The following FRRS1L variants were observed in gnomAD, a reference collection of about 807,000 sequenced individuals.
FRRS1L encodes the protein ferric chelate reductase 1 like.
In FRRS1L, 22 loss-of-function variants were observed where a neutral mutation model predicts 28.6. The ratio of observed to expected loss-of-function variants is 0.77; its 90% CI spans 0.55 to 1.10. The LOEUF (loss-of-function observed/expected upper bound fraction) is 1.10. FRRS1L is among the 50% of genes least tolerant of loss of function. The pLI is 0.00. For synonymous variants in FRRS1L, 158 were observed against 151.4 expected, an observed-to-expected ratio of 1.04 and a Z score of -0.32; for missense variants, 380 against 386.9, an observed-to-expected ratio of 0.98 and a Z score of 0.15.
intron 1 of FRRS1L, chr9:109,151,378 A>C (rs1302299214): frequency 6.5e-6 from 1 of 153,198 alleles, no homozygotes; most frequent in Non-Finnish European, 1.5e-5. Context: ...ATTTATAGCC[A>C]CTCCCCATGG....
chr9:109,146,074 G>A (rs896923862), intron 3 of FRRS1L, among the ~76,000 whole-genome samples: 35 of 151,928 alleles, frequency 2.3e-4, no homozygotes, highest in Admixed American at 5.9e-4. Flanking sequence ...GCAGGTGCCC[G>A]TAATCCCAGC....
chr9:109,156,689 GTT>G (rs57521762), intron 1 of FRRS1L, among the ~76,000 whole-genome samples: 12 of 133,466 alleles, frequency 9.0e-5, no homozygotes, highest in African/African-American at 8.3e-5. Context: ...GCACCTGGAT[GTT>G]TTTTTTTTTT....
At chr9:109,148,372 G>A (rs1410132348) in intron 2 of FRRS1L, 3 of 152,164 alleles carry the variant, frequency 2.0e-5, no homozygotes, top group African/African-American at 4.8e-5. Context: ...TCCAGATAGT[G>A]AGATTATGCA....
At chr9:109,142,955 T>C (rs759183309) in intron 3 of FRRS1L, among the ~76,000 whole-genome samples, 33 of 152,000 alleles carry the variant, frequency 2.2e-4, no homozygotes, top group Admixed American at 1.3e-4. Context: ...GGTGGGAGGG[T>C]CACTTAAACC....
In FRRS1L at chr9:109,131,129, A is replaced by C. The variant is rs1185667174; in HGVS notation, c.*6326T>G. 1 of 152,252 alleles carries C rather than the reference A, an allele frequency of 6.6e-6. No homozygotes were observed. Among genetic ancestry groups the C allele is most frequent in the Non-Finnish European group, 1.5e-5 (1 of 68,044 alleles). The allele number at this position is 152,252 out of a possible 1,614,324, so 9.4% of individuals were successfully genotyped here. A position where few individuals can be genotyped will look rare whatever the true frequency, so the allele number is the denominator to read the frequency against. Reference sequence around the variant, plus strand: ...AAACAAAGAAATCTACCTTGAAACTAAATAACTGGATACTTGAATAACTGA... The same window carrying C: ...AAACAAAGAAATCTACCTTGAAACTCAATAACTGGATACTTGAATAACTGA... On this transcript the variant is annotated 3_prime_UTR_variant, in exon 5 of 5. Transcript: ENST00000561981.
intron 1 of FRRS1L, among the ~76,000 whole-genome samples, chr9:109,155,548 T>C (rs1370238168): frequency 1.3e-5 from 2 of 151,922 alleles, no homozygotes; most frequent in Non-Finnish European, 2.9e-5. Context: ...ACCCTGTTTC[T>C]ACTAAAAATA....
rs532702206 is a variant in FRRS1L, at chr9:109,166,570, G to T, written c.238+331C>A. Among the ~76,000 whole-genome samples, 19 of 152,180 alleles carry T rather than the reference G, an allele frequency of 1.2e-4. No homozygotes were observed. In the East Asian group the frequency reaches 3.3e-3, roughly 27 times the overall value. ...CCAACCCCAGGCGGCAAAGGTGGAAGCCAGATCTAAGAACTGGGGGAGCTT... is the reference window on the plus strand; with the variant it reads ...CCAACCCCAGGCGGCAAAGGTGGAATCCAGATCTAAGAACTGGGGGAGCTT... On this transcript the variant is annotated intron_variant, in intron 1 of 4. Transcript: ENST00000561981.
intron 1 of FRRS1L, chr9:109,150,575 A>G (rs1831320062): frequency 6.6e-6 from 1 of 152,184 alleles, no homozygotes; most frequent in African/African-American, 2.4e-5. Context: ...TTATAAGATT[A>G]CTTACCACCA....
intron 1 of FRRS1L, among the ~76,000 whole-genome samples, chr9:109,155,952 A>G (rs946802658): frequency 1.3e-5 from 2 of 152,196 alleles, no homozygotes; most frequent in Non-Finnish European, 2.9e-5. Context: ...TGTGAATTAC[A>G]TCTCAATAAA....
intron 3 of FRRS1L, among the ~76,000 whole-genome samples, chr9:109,145,879 C>T (rs902486846): frequency 1.3e-5 from 2 of 152,092 alleles, no homozygotes; most frequent in African/African-American, 4.8e-5. Flanking sequence ...CATCTGTATC[C>T]TTCAAAATAG....
chr9:109,139,283 T>G (rs1043176566), intron 4 of FRRS1L: 37 of 152,146 alleles, frequency 2.4e-4, no homozygotes, highest in African/African-American at 8.2e-4. Context: ...GGGGTAGGAA[T>G]GTGCCTGTTT....
chr9:109,162,002 C>T (rs1831486006), intron 1 of FRRS1L, among the ~76,000 whole-genome samples: 1 of 152,186 alleles, frequency 6.6e-6, no homozygotes, highest in Admixed American at 6.5e-5. Context: ...AACTCTTCCT[C>T]TCAAGTTCAC....
chr9:109,158,039 C>T (rs1831432712), intron 1 of FRRS1L, among the ~76,000 whole-genome samples: 1 of 152,172 alleles, frequency 6.6e-6, no homozygotes, highest in Non-Finnish European at 1.5e-5. Context: ...CATAAACAAG[C>T]TGGAAACTAT....
chr9:109,162,495 A>G (rs1390134178), intron 1 of FRRS1L, among the ~76,000 whole-genome samples: 1 of 152,160 alleles, frequency 6.6e-6, no homozygotes, highest in Non-Finnish European at 1.5e-5. Flanking sequence ...AAATAGTCAA[A>G]CTTTCTGTGG....
Position 109,149,704 on chromosome 9 carries a change from A to G in FRRS1L, c.255T>C (p.Thr85=). 1 of 1,612,490 alleles carries G rather than the reference A, an allele frequency of 6.2e-7. No individual in the cohort carries two copies. Among genetic ancestry groups the G allele is most frequent in the Non-Finnish European group, 8.5e-7 (1 of 1,178,464 alleles). The part of the protein sequence containing the change: ...YLSEEGYPFP[T]APPVDPFAKI... The stretch of plus-strand genomic sequence containing the variant: ...TGGCAAATGGATCCACAGGAGGAGC[A>G]GTAGGGAAGGGGTAACCTGGGCAGT... The change falls in exon 2 of 5, where the codon ACT becomes ACC. Residue 85 remains threonine (T), a synonymous_variant. Transcript: ENST00000561981.
Position 109,167,234 on chromosome 9 carries a change from G to T in FRRS1L, c.-96C>A. ...GAGCCTCCGCCGAGGCCACCAGCACGCGCCCGCGCAGCCGCGGAGCCTCCC... is the reference window on the plus strand; with the variant it reads ...GAGCCTCCGCCGAGGCCACCAGCACTCGCCCGCGCAGCCGCGGAGCCTCCC... On this transcript the variant is annotated 5_prime_UTR_variant, in exon 1 of 5. Transcript: ENST00000561981. 1 of 1,375,264 alleles carries T rather than the reference G, an allele frequency of 7.3e-7. No homozygotes were observed. Among genetic ancestry groups the T allele is most frequent in the Non-Finnish European group, 9.4e-7 (1 of 1,059,964 alleles). 85.2% of individuals were successfully genotyped at this position (1,375,264 alleles called of 1,614,324 possible).
chr9:109,143,411 G>A (rs1183313851), intron 3 of FRRS1L, among the ~76,000 whole-genome samples: 1 of 152,074 alleles, frequency 6.6e-6, no homozygotes, highest in Non-Finnish European at 1.5e-5. Context: ...TCCCCAGGGG[G>A]TATATGGGAA....
chr9:109,132,407 C>A lies in FRRS1L; in HGVS notation c.*5048G>T, dbSNP rs148388409. Reference sequence around the variant, plus strand: ...ACTTAAGACAAAACTGCTGCTTAGCCGGCTCTGTACTTTACTGCCACCACT... The same window carrying A: ...ACTTAAGACAAAACTGCTGCTTAGCAGGCTCTGTACTTTACTGCCACCACT... On this transcript the variant is annotated 3_prime_UTR_variant, in exon 5 of 5. Transcript: ENST00000561981. The A allele has an allele frequency of 5.3e-5, 8 of 152,172 alleles. No individual in the cohort carries two copies. The highest frequency in any genetic ancestry group is 1.0e-4 in the Non-Finnish European group (7 of 68,030). The allele number at this position is 152,172 out of a possible 1,614,324, so 9.4% of individuals were successfully genotyped here.
At chr9:109,147,332 T>C in intron 2 of FRRS1L, 143 bp from the exon 3 acceptor site, 1 of 688,020 alleles carries the variant, frequency 1.5e-6, no homozygotes, top group Non-Finnish European at 2.5e-6. Context: ...AAAAACACAG[T>C]TTCACTCTCT....
Sources: gnomAD v4.1 joint callset for allele counts (sites outside exome capture counted in the v4.1 genomes callset) on GRCh38, gnomAD v4.1.1 for gene constraint, MANE v1.5 for transcripts, NCBI Gene and HGNC (gene_info 2026-07-23, HGNC 2026-07-21) for gene names.